The following TMEM178B variants were observed in gnomAD, a reference collection of about 807,000 sequenced individuals.
TMEM178B encodes transmembrane protein 178B.
TMEM178B carries 5 observed loss-of-function variants against 31.0 expected under a neutral mutation model. The observed-to-expected ratio is 0.16, with a 90% CI of 0.08 to 0.34. TMEM178B has a LOEUF of 0.34. Among genes scored for constraint, TMEM178B ranks in the 10% least tolerant of loss-of-function variants. The pLI is 1.00. For synonymous variants in TMEM178B, 164 were observed against 164.0 expected (o/e 1.00, Z 0.00); for missense variants, 275 against 400.3 (o/e 0.69, Z 2.67).
At chr7:141,123,682 G>T (rs1795444726) in intron 1 of TMEM178B, among the ~76,000 whole-genome samples, 1 of 152,134 alleles carries the variant, frequency 6.6e-6, no homozygotes, top group Non-Finnish European at 1.5e-5. Flanking sequence ...ATACTCTGAG[G>T]CTCTTGGCTG....
intron 2 of TMEM178B, among the ~76,000 whole-genome samples, chr7:141,421,443 C>CAA (rs1395133234): frequency 1.3e-5 from 2 of 152,154 alleles, no homozygotes; most frequent in Non-Finnish European, 2.9e-5. Flanking sequence ...TGTGGTAGCA[C>CAA]TTTACAGTTT....
intron 1 of TMEM178B, among the ~76,000 whole-genome samples, chr7:141,086,710 T>A (rs1414427743): frequency 1.3e-5 from 2 of 152,154 alleles, no homozygotes; most frequent in African/African-American, 2.4e-5. Flanking sequence ...TTTATTTATT[T>A]ATTTTTTGAG....
chr7:141,384,527 G>C (rs541921396), intron 2 of TMEM178B, among the ~76,000 whole-genome samples: 62 of 152,310 alleles, frequency 4.1e-4, no homozygotes, highest in African/African-American at 1.3e-3. Context: ...GATGGTTGTA[G>C]ATGTGTGGTA....
intron 2 of TMEM178B, among the ~76,000 whole-genome samples, chr7:141,310,841 C>T (rs1179899823): frequency 6.6e-6 from 1 of 152,174 alleles, no homozygotes; most frequent in Non-Finnish European, 1.5e-5. Context: ...TATAAAGATA[C>T]ATGCACGCGT....
chr7:141,210,085 A>C (rs1473387998), intron 1 of TMEM178B, among the ~76,000 whole-genome samples: 1 of 152,196 alleles, frequency 6.6e-6, no homozygotes, highest in Non-Finnish European at 1.5e-5. Flanking sequence ...CTCTCTGGTT[A>C]GACAGTCCTG....
At chr7:141,113,049 A>C (rs1451443530) in intron 1 of TMEM178B, among the ~76,000 whole-genome samples, 1 of 152,202 alleles carries the variant, frequency 6.6e-6, no homozygotes, top group African/African-American at 2.4e-5. Context: ...TGGAATATCT[A>C]CTCAAGCTGT....
intron 2 of TMEM178B, among the ~76,000 whole-genome samples, chr7:141,428,609 C>A (rs1801365842): frequency 6.6e-6 from 1 of 152,072 alleles, no homozygotes; most frequent in South Asian, 2.1e-4. Flanking sequence ...GTGTGTGCAG[C>A]CCCTCCCAAG....
intron 1 of TMEM178B, among the ~76,000 whole-genome samples, chr7:141,088,601 T>A (rs1477734136): frequency 6.6e-6 from 1 of 152,226 alleles, no homozygotes; most frequent in Non-Finnish European, 1.5e-5. Context: ...ATCTTGCCTA[T>A]TGGATATCTC....
intron 1 of TMEM178B, among the ~76,000 whole-genome samples, chr7:141,085,460 T>G (rs546915675): frequency 6.6e-6 from 1 of 152,284 alleles, no homozygotes; most frequent in East Asian, 1.9e-4. Context: ...GTATCTGAAT[T>G]ATTTCAATTG....
chr7:141,362,250 T>C (rs1048826689), intron 2 of TMEM178B, among the ~76,000 whole-genome samples: 38 of 152,238 alleles, frequency 2.5e-4, no homozygotes, highest in Admixed American at 1.7e-3. Flanking sequence ...GGCCCTTTAC[T>C]TTGTATTGGC....
chr7:141,421,772 C>T lies in TMEM178B; in HGVS notation c.497-15836C>T, dbSNP rs151008154. ...TCATCATCATCATCATTATATCATT[C>T]TTGTCTCGGATATGACTTGCATAAG... On this transcript the variant is annotated intron_variant, in intron 2 of 3. Transcript: ENST00000565468. 1.2e-4 allele frequency among the ~76,000 whole-genome samples: 18 copies of T among 152,178 alleles called. No individual in the cohort carries two copies. In the East Asian group the frequency reaches 3.3e-3, roughly 28 times the overall value.
At chr7:141,364,280 C>T (rs969145860) in intron 2 of TMEM178B, among the ~76,000 whole-genome samples, 6 of 152,144 alleles carry the variant, frequency 3.9e-5, no homozygotes, top group African/African-American at 7.2e-5. Context: ...GTTAGAGATG[C>T]GTTCAATTGT....
intron 1 of TMEM178B, among the ~76,000 whole-genome samples, chr7:141,144,536 G>A (rs1795821697): frequency 6.6e-6 from 1 of 152,162 alleles, no homozygotes. Context: ...GGCTGGATGG[G>A]GCTGATGGAG....
At chr7:141,301,423 C>T (rs557003781) in intron 2 of TMEM178B, among the ~76,000 whole-genome samples, 2 of 152,006 alleles carry the variant, frequency 1.3e-5, no homozygotes, top group African/African-American at 4.8e-5. Context: ...GGTAGTTTTA[C>T]GTGTTTATGT....
At chr7:141,389,276 C>T (rs746696440) in intron 2 of TMEM178B, among the ~76,000 whole-genome samples, 4 of 152,270 alleles carry the variant, frequency 2.6e-5, no homozygotes, top group South Asian at 2.1e-4. Flanking sequence ...TAATGGATAA[C>T]GTAGAAGGGA....
At chr7:141,220,664 G>A (rs186865774) in intron 2 of TMEM178B, among the ~76,000 whole-genome samples, 230 of 152,266 alleles carry the variant, frequency 1.5e-3, no homozygotes, top group African/African-American at 5.2e-3. Context: ...TCATGTGAAC[G>A]CACAGGTCCA....
intron 1 of TMEM178B, among the ~76,000 whole-genome samples, chr7:141,169,319 G>T (rs1284393599): frequency 6.6e-6 from 1 of 152,132 alleles, no homozygotes; most frequent in African/African-American, 2.4e-5. Flanking sequence ...TCCTGTTTTA[G>T]TTTGCTAAGG....
chr7:141,472,282 C>G lies in TMEM178B; in HGVS notation c.*1496C>G, dbSNP rs1299197106. 6.6e-6 allele frequency: 1 copy of G among 152,198 alleles called. No homozygotes were observed. The highest frequency in any genetic ancestry group is 1.5e-5 in the Non-Finnish European group (1 of 68,032). 9.4% of individuals were successfully genotyped at this position (152,198 alleles called of 1,614,324 possible). On this transcript the variant is annotated 3_prime_UTR_variant, in exon 4 of 4. Transcript: ENST00000565468. ...GTGTAAATTAATGCAGAACTCTTGA[C>G]TCTTTCCATCCTCTTCCTTTCCCTC...
At chr7:141,182,061 C>T (rs1796538650) in intron 1 of TMEM178B, among the ~76,000 whole-genome samples, 1 of 152,216 alleles carries the variant, frequency 6.6e-6, no homozygotes, top group African/African-American at 2.4e-5. Context: ...CCAGTGCACA[C>T]CCTTTCCTAT....
Sources: gnomAD v4.1 joint callset for allele counts (sites outside exome capture counted in the v4.1 genomes callset) on GRCh38, gnomAD v4.1.1 for gene constraint, MANE v1.5 for transcripts, NCBI Gene and HGNC (gene_info 2026-07-23, HGNC 2026-07-21) for gene names.